The following SPATS1 variants were observed in gnomAD, a reference collection of about 807,000 sequenced individuals.
SPATS1 encodes spermatogenesis-associated serine-rich protein 1.
A neutral mutation model predicts 33.6 loss-of-function variants in SPATS1; 23 were observed. The observed-to-expected ratio is 0.68, with a 90% CI of 0.49 to 0.97. SPATS1 has a LOEUF of 0.97. Among genes scored for constraint, SPATS1 ranks in the 50% least tolerant of loss-of-function variants. SPATS1 has a pLI of 0.00. For synonymous variants in SPATS1, 131 were observed against 125.6 expected (o/e 1.04, Z -0.29); for missense variants, 327 against 361.0 (o/e 0.91, Z 0.76).
intron 2 of SPATS1, among the ~76,000 whole-genome samples, chr6:44,351,424 G>T (rs1175515755): frequency 6.6e-6 from 1 of 152,180 alleles, no homozygotes; most frequent in African/African-American, 2.4e-5. Context: ...TGTGAAGCAT[G>T]ATACTGTGTA....
At chr6:44,349,404 A>C (rs1253836241) in intron 2 of SPATS1, among the ~76,000 whole-genome samples, 1 of 152,040 alleles carries the variant, frequency 6.6e-6, no homozygotes, top group African/African-American at 2.4e-5. Context: ...TTGAGTTGAA[A>C]GTGGTTTAGT....
At chr6:44,350,657 G>A (rs1788177918) in intron 2 of SPATS1, among the ~76,000 whole-genome samples, 1 of 152,118 alleles carries the variant, frequency 6.6e-6, no homozygotes, top group Non-Finnish European at 1.5e-5. Context: ...TGATAAGAAT[G>A]GAAAAGGTAT....
intron 2 of SPATS1, among the ~76,000 whole-genome samples, chr6:44,349,383 G>A (rs1583078224): frequency 6.6e-6 from 1 of 151,954 alleles, no homozygotes. Flanking sequence ...GGAAAGTGTG[G>A]ACAATAGTGA....
chr6:44,361,734 C>A, intron 4 of SPATS1, 97 bp from the exon 5 acceptor site: 1 of 1,485,784 alleles, frequency 6.7e-7, no homozygotes, highest in Admixed American at 1.7e-5. Context: ...AGTTATATAG[C>A]CAGATAGTGC....
chr6:44,355,743 G>T (rs555591413), intron 3 of SPATS1, among the ~76,000 whole-genome samples: 11 of 152,288 alleles, frequency 7.2e-5, no homozygotes, highest in African/African-American at 2.6e-4. Context: ...GCTGCCCCCA[G>T]CACTAGACAT....
At chr6:44,364,251 C>A (rs771736746) in intron 5 of SPATS1, among the ~76,000 whole-genome samples, 7 of 152,122 alleles carry the variant, frequency 4.6e-5, no homozygotes, top group Non-Finnish European at 1.0e-4. Flanking sequence ...AACAGTAATT[C>A]CTTAATATAG....
In SPATS1 at chr6:44,377,382, T is replaced by C; in HGVS notation, c.*319T>C. Reference sequence around the variant, plus strand: ...GTGAGTGGCAGATATTGTAACCCTTTACACCTGTATACCTACATACCTCAG... The same window carrying C: ...GTGAGTGGCAGATATTGTAACCCTTCACACCTGTATACCTACATACCTCAG... On this transcript the variant is annotated 3_prime_UTR_variant, in exon 9 of 9. Coordinates refer to ENST00000674044, the MANE Select transcript of SPATS1 (RefSeq NM_001372081.1). 1 of 407,820 alleles carries C rather than the reference T, an allele frequency of 2.5e-6. No individual in the cohort carries two copies. The highest frequency in any genetic ancestry group is 4.8e-5 in the East Asian group (1 of 20,996). The allele number at this position is 407,820 out of a possible 1,614,324, so 25.3% of individuals were successfully genotyped here.
chr6:44,373,815 T>G (rs1368317651), intron 7 of SPATS1, among the ~76,000 whole-genome samples: 1 of 152,212 alleles, frequency 6.6e-6, no homozygotes, highest in African/African-American at 2.4e-5. Flanking sequence ...TTTATTCAAC[T>G]CAGCAGACAT....
chr6:44,343,543 GTGAGCCTGGGATTTGACA>G lies in SPATS1; in HGVS notation c.139+332_139+349del, dbSNP rs201273058. 205 of 498,692 alleles carry G rather than the reference GTGAGCCTGGGATTTGACA, an allele frequency of 4.1e-4. 3 individuals are homozygous for G. In the East Asian group the frequency reaches 5.7e-3, roughly 14 times the overall value. The allele number at this position is 498,692 out of a possible 1,614,324, so 30.9% of individuals were successfully genotyped here. A position where few individuals can be genotyped will look rare whatever the true frequency, so the allele number is the denominator to read the frequency against. ...TGCCCAGTGCTTGGGTTAATAAAAG[GTGAGCCTGGGATTTGACA>G]TGAGCCTGGGATTTGACATGAGTCT... On this transcript the variant is annotated intron_variant, in intron 2 of 8. Coordinates refer to ENST00000674044, the MANE Select transcript of SPATS1 (RefSeq NM_001372081.1).
At chr6:44,345,262 T>C (rs949968038) in intron 2 of SPATS1, among the ~76,000 whole-genome samples, 1 of 152,084 alleles carries the variant, frequency 6.6e-6, no homozygotes, top group Non-Finnish European at 1.5e-5. Flanking sequence ...CGTAGTCAGC[T>C]TGATCTAGAG....
At chr6:44,344,453 C>T (rs1053080123) in intron 2 of SPATS1, among the ~76,000 whole-genome samples, 1 of 151,016 alleles carries the variant, frequency 6.6e-6, no homozygotes, top group Non-Finnish European at 1.5e-5. Context: ...CGATTGCTTT[C>T]ATTACTGCTC....
At chr6:44,343,475 A>G (rs966068570) in intron 2 of SPATS1, 1 of 610,722 alleles carries the variant, frequency 1.6e-6, no homozygotes, top group Non-Finnish European at 3.0e-6. Flanking sequence ...ACAGCAGTGG[A>G]GAAGTATATT....
chr6:44,373,658 G>C (rs1214508570), intron 7 of SPATS1, among the ~76,000 whole-genome samples: 1 of 151,932 alleles, frequency 6.6e-6, no homozygotes, highest in Admixed American at 6.6e-5. Context: ...TGTAAAATAA[G>C]AACAAAACCT....
At chr6:44,367,760 G>A (rs1048289828) in intron 5 of SPATS1, among the ~76,000 whole-genome samples, 1 of 152,142 alleles carries the variant, frequency 6.6e-6, no homozygotes, top group African/African-American at 2.4e-5. Context: ...TTAGGTGTGT[G>A]GGTTTAAATG....
At chr6:44,360,340 T>C in intron 3 of SPATS1, 106 bp from the exon 4 acceptor site, 1 of 1,364,948 alleles carries the variant, frequency 7.3e-7, no homozygotes, top group Non-Finnish European at 1.0e-6. Flanking sequence ...TATAGAGGAG[T>C]AGTCCCAGTT....
At position 44,377,221 on chromosome 6, in the gene SPATS1, C is replaced by A; in HGVS notation, c.*158C>A. 1 of 815,748 alleles carries A rather than the reference C, an allele frequency of 1.2e-6. No homozygotes were observed. Among genetic ancestry groups the A allele is most frequent in the Non-Finnish European group, 1.9e-6 (1 of 516,220 alleles). The allele number at this position is 815,748 out of a possible 1,614,324, so 50.5% of individuals were successfully genotyped here. On this transcript the variant is annotated 3_prime_UTR_variant, in exon 9 of 9. Transcript: ENST00000674044. The stretch of plus-strand genomic sequence containing the variant: ...AAACTTTATATTTTGAAAACTTTCA[C>A]ATTTACATAAAAGTTGCAAGAATTG...
chr6:44,343,206 T>A lies in SPATS1; in HGVS notation c.111T>A (p.Ser37=). Residue 37 remains serine (S), a synonymous_variant, in exon 2 of 9, where the codon TCT becomes TCA. Transcript: ENST00000674044. The stretch of plus-strand genomic sequence containing the variant: ...AGAAGGTTCCAGAAAAAAGGGACTC[T>A]GGCATGACCGAGGTGGAGAGGACCT... ...QLEKVPEKRD[S]GMTEVERTYS... The A allele has an allele frequency of 6.2e-7, 1 of 1,613,470 alleles. No individual in the cohort carries two copies. The highest frequency in any genetic ancestry group is 8.5e-7 in the Non-Finnish European group (1 of 1,179,896).
At chr6:44,351,128 A>T in intron 2 of SPATS1, among the ~76,000 whole-genome samples, 1 of 149,408 alleles carries the variant, frequency 6.7e-6, no homozygotes, top group Admixed American at 6.7e-5. Flanking sequence ...GTGTCAAAAA[A>T]AAAAAAAAAA....
intron 2 of SPATS1, chr6:44,343,474 G>A: frequency 3.3e-6 from 2 of 612,836 alleles, no homozygotes; most frequent in South Asian, 3.0e-5. Context: ...CACAGCAGTG[G>A]AGAAGTATAT....
Sources: allele counts gnomAD v4.1 joint callset (sites outside exome capture counted in the v4.1 genomes callset), GRCh38; gene constraint gnomAD v4.1.1; transcripts MANE v1.5; gene names NCBI Gene and HGNC (gene_info 2026-07-23, HGNC 2026-07-21).